GABRG3: variants seen among roughly 807,000 people sequenced by gnomAD.
GABRG3 encodes the protein gamma-aminobutyric acid receptor subunit gamma-3.
GABRG3 carries 25 observed loss-of-function variants against 48.8 expected under a neutral mutation model. The ratio of observed to expected loss-of-function variants is 0.51; its 90% CI spans 0.37 to 0.72. The LOEUF is 0.72. Ranked by LOEUF, GABRG3 falls within the 30% of genes least tolerant of loss-of-function variation. GABRG3 has a pLI of 0.00. For missense variants in GABRG3, 394 were observed against 577.9 expected (o/e 0.68, Z 3.26); for synonymous variants, 227 against 217.6 (o/e 1.04, Z -0.38).
At chr15:27,393,344 CAAAAAAAA>C (rs34689012) in intron 5 of GABRG3, among the ~76,000 whole-genome samples, 4 of 113,002 alleles carry the variant, frequency 3.5e-5, no homozygotes, top group Non-Finnish European at 7.5e-5. Flanking sequence ...ACTCCGTCTC[CAAAAAAAA>C]AAAAAAAAAA....
intron 5 of GABRG3, among the ~76,000 whole-genome samples, chr15:27,425,101 T>A (rs1481845476): frequency 1.3e-5 from 2 of 152,142 alleles, no homozygotes; most frequent in African/African-American, 4.8e-5. Flanking sequence ...TTTTCATACA[T>A]CTTGCTGAAA....
At chr15:27,375,507 T>C (rs1895565832) in intron 5 of GABRG3, among the ~76,000 whole-genome samples, 1 of 152,166 alleles carries the variant, frequency 6.6e-6, no homozygotes, top group Admixed American at 6.5e-5. Context: ...TTAGTCCATT[T>C]TTATGCTGCT....
intron 2 of GABRG3, among the ~76,000 whole-genome samples, chr15:26,989,434 A>G (rs1895208481): frequency 6.6e-6 from 1 of 152,326 alleles, no homozygotes; most frequent in South Asian, 2.1e-4. Flanking sequence ...TATACATGTA[A>G]GAGTGGAATT....
chr15:27,046,427 T>A (rs939399159), intron 3 of GABRG3, among the ~76,000 whole-genome samples: 1 of 152,170 alleles, frequency 6.6e-6, no homozygotes, highest in Non-Finnish European at 1.5e-5. Flanking sequence ...TTAAAGTTGT[T>A]TCCCCTTACT....
At chr15:27,156,059 G>A (rs1341293547) in intron 3 of GABRG3, among the ~76,000 whole-genome samples, 1 of 152,034 alleles carries the variant, frequency 6.6e-6, no homozygotes, top group Non-Finnish European at 1.5e-5. Context: ...CAGCACTTCG[G>A]GAGGCTGAGG....
At chr15:27,459,389 C>G (rs1889383576) in intron 5 of GABRG3, among the ~76,000 whole-genome samples, 1 of 152,192 alleles carries the variant, frequency 6.6e-6, no homozygotes, top group Admixed American at 6.5e-5. Context: ...AGGGTATCAT[C>G]ACCCAAACCA....
rs142693961 is a variant in GABRG3, at chr15:27,398,700, T to C, written c.574+69812T>C. On this transcript the variant is annotated intron_variant, in intron 5 of 9. Transcript: ENST00000615808. ...CACACACACACACACCCCTCTATTA[T>C]AGGACAATGAAAGACATTGTATAAT... Among the ~76,000 whole-genome samples the C allele has an allele frequency of 8.9e-3, 1,356 of 151,952 alleles. 16 individuals are homozygous for C. The highest frequency in any genetic ancestry group is 0.031 in the African/African-American group (1,272 of 41,396).
chr15:27,317,196 A>C (rs1212604970), intron 3 of GABRG3, among the ~76,000 whole-genome samples: 2 of 152,014 alleles, frequency 1.3e-5, no homozygotes, highest in Non-Finnish European at 2.9e-5. Context: ...CTGTGCTCTT[A>C]GCCTGGCATG....
intron 2 of GABRG3, among the ~76,000 whole-genome samples, chr15:27,024,142 C>A (rs1895945059): frequency 3.3e-5 from 5 of 151,924 alleles, no homozygotes; most frequent in Admixed American, 3.3e-4. Flanking sequence ...GTTTTTTTGC[C>A]ATTTAAATCA....
At chr15:27,057,779 G>A (rs1034822911) in intron 3 of GABRG3, among the ~76,000 whole-genome samples, 1 of 152,140 alleles carries the variant, frequency 6.6e-6, no homozygotes, top group African/African-American at 2.4e-5. Flanking sequence ...CAGGACATTC[G>A]CCATTTAATC....
chr15:27,020,567 A>G (rs967374321), intron 2 of GABRG3, among the ~76,000 whole-genome samples: 9 of 132,154 alleles, frequency 6.8e-5, no homozygotes, highest in Non-Finnish European at 1.5e-4. Context: ...GCCCGCCACC[A>G]CGCCCGGCTA....
intron 2 of GABRG3, among the ~76,000 whole-genome samples, chr15:26,990,581 T>C (rs1895229385): frequency 6.6e-6 from 1 of 152,202 alleles, no homozygotes; most frequent in Non-Finnish European, 1.5e-5. Context: ...AGTTGTCTCT[T>C]TACTTTGTTC....
chr15:27,168,588 T>C (rs1212710162), intron 3 of GABRG3, among the ~76,000 whole-genome samples: 1 of 152,150 alleles, frequency 6.6e-6, no homozygotes. Context: ...CCTAAGGTGA[T>C]GTGGTAGGAG....
chr15:27,456,311 A>G (rs1889277179), intron 5 of GABRG3, among the ~76,000 whole-genome samples: 1 of 152,198 alleles, frequency 6.6e-6, no homozygotes, highest in Non-Finnish European at 1.5e-5. Context: ...ATAGTTGGTC[A>G]TGACACCCAC....
At chr15:27,517,343 T>C (rs983477030) in intron 6 of GABRG3, among the ~76,000 whole-genome samples, 4 of 152,216 alleles carry the variant, frequency 2.6e-5, no homozygotes, top group African/African-American at 9.6e-5. Context: ...ACTGGGACTT[T>C]CACTGGTGCT....
intron 3 of GABRG3, among the ~76,000 whole-genome samples, chr15:27,215,605 C>T (rs1317308261): frequency 6.6e-6 from 1 of 152,196 alleles, no homozygotes; most frequent in Non-Finnish European, 1.5e-5. Context: ...CAGTTTTCCT[C>T]TTCTTAGCTG....
rs556005937 is a variant in GABRG3 at position 27,425,484 on chromosome 15, G to A, written c.575-55166G>A. ...AAAAAAAATAGGCGTGGTGGTGGGC[G>A]CCTGTAGTCCCAGCTACTCGGGAGG... On this transcript the variant is annotated intron_variant, in intron 5 of 9. Coordinates refer to ENST00000615808, the MANE Select transcript of GABRG3 (RefSeq NM_033223.5). Among the ~76,000 whole-genome samples, 5 of 151,212 alleles carry A rather than the reference G, an allele frequency of 3.3e-5. No homozygotes were observed. In the South Asian group the frequency reaches 6.3e-4, roughly 19 times the overall value.
chr15:27,313,262 G>A (rs12902068), intron 3 of GABRG3, among the ~76,000 whole-genome samples: 272 of 34,416 alleles, frequency 7.9e-3, no homozygotes, highest in African/African-American at 0.012. Context: ...GTGTGTGTGT[G>A]TATATATATA....
At chr15:27,341,527 A>C (rs1249122275) in intron 5 of GABRG3, among the ~76,000 whole-genome samples, 1 of 152,122 alleles carries the variant, frequency 6.6e-6, no homozygotes, top group Non-Finnish European at 1.5e-5. Context: ...CATTCAGCCC[A>C]TCATCCCGTT....
Sources: allele counts gnomAD v4.1 joint callset (sites outside exome capture counted in the v4.1 genomes callset), GRCh38; gene constraint gnomAD v4.1.1; transcripts MANE v1.5; gene names NCBI Gene and HGNC (gene_info 2026-07-23, HGNC 2026-07-21).